Variants in RCAN3 observed in about 807,000 individuals in gnomAD.
RCAN3 encodes calcipressin-3.
In RCAN3, 19 loss-of-function variants were observed where a neutral mutation model predicts 21.9. That is an observed-to-expected ratio of 0.87 (90% CI 0.61 to 1.27). The LOEUF is 1.27. Among genes scored for constraint, RCAN3 ranks in the 50% most tolerant of loss-of-function variants. The pLI is 0.00. For missense variants in RCAN3, 240 were observed against 300.1 expected, an observed-to-expected ratio of 0.80 and a Z score of 1.48; for synonymous variants, 114 against 112.3, an observed-to-expected ratio of 1.01 and a Z score of -0.09.
rs1054824224 is a variant in RCAN3, at chr1:24,536,788, A to G, written c.*1511A>G. Reference sequence around the variant, plus strand: ...ACTGTGGTAAAATTTATTTCTGAGCACTTAAACTGTGTTGCATACCCCTAA... The same window carrying G: ...ACTGTGGTAAAATTTATTTCTGAGCGCTTAAACTGTGTTGCATACCCCTAA... On this transcript the variant is annotated 3_prime_UTR_variant, in exon 5 of 5. Coordinates refer to ENST00000374395, the MANE Select transcript of RCAN3 (RefSeq NM_013441.4). 6.2e-4 allele frequency: 94 copies of G among 151,392 alleles called. No homozygotes were observed. The highest frequency in any genetic ancestry group is 2.2e-3 in the African/African-American group (92 of 41,128). 9.4% of individuals were successfully genotyped at this position (151,392 alleles called of 1,614,324 possible). A position where few individuals can be genotyped will look rare whatever the true frequency, so the allele number is the denominator to read the frequency against.
rs1650433777 is a variant in RCAN3, at chr1:24,540,389, A to G, written c.*5112A>G. On this transcript the variant is annotated 3_prime_UTR_variant, in exon 5 of 5. Transcript: ENST00000374395. The stretch of plus-strand genomic sequence containing the variant: ...TTTGAAACAGAATCATATCCTGCAG[A>G]CTCTTGGCACTCCTGCATAGCTTTG... The G allele has an allele frequency of 6.6e-6, 1 of 151,904 alleles. No individual in the cohort carries two copies. The highest frequency in any genetic ancestry group is 1.5e-5 in the Non-Finnish European group (1 of 67,980). The allele number at this position is 151,904 out of a possible 1,614,324, so 9.4% of individuals were successfully genotyped here. A position where few individuals can be genotyped will look rare whatever the true frequency, so the allele number is the denominator to read the frequency against.
Position 24,535,183 on chromosome 1 carries a change from C to CA in RCAN3, c.638dup (p.Asn213LysfsTer21), listed in dbSNP as rs773811205. 1.9e-6 allele frequency: 3 copies of CA among 1,594,256 alleles called. No homozygotes were observed. Among genetic ancestry groups the CA allele is most frequent in the African/African-American group, 1.4e-5 (1 of 73,262 alleles). Reference sequence around the variant, plus strand: ...AGTGAAACTGAAGAGGAAGAAGAGACAAAAAACCCCAAACAGAAAATTGCC... The same window carrying CA: ...AGTGAAACTGAAGAGGAAGAAGAGACAAAAAAACCCCAAACAGAAAATTGCC... On this transcript the variant is annotated frameshift_variant, in exon 5 of 5. Transcript: ENST00000374395. LOFTEE classifies it low-confidence loss of function (END_TRUNC).
At chr1:24,529,793 C>T (rs763678972) in intron 2 of RCAN3, among the ~76,000 whole-genome samples, 84 of 151,240 alleles carry the variant, frequency 5.6e-4, no homozygotes, top group African/African-American at 1.8e-3. Flanking sequence ...TCAAGTGATC[C>T]GCCTACCTCA....
chr1:24,516,492 C>G (rs1310172949), intron 2 of RCAN3, among the ~76,000 whole-genome samples: 3 of 151,920 alleles, frequency 2.0e-5, no homozygotes, highest in Non-Finnish European at 2.9e-5. Flanking sequence ...AGAGCTGAAT[C>G]GGGAGAGTGT....
rs1345803994 is a variant in RCAN3 at position 24,535,075 on chromosome 1, T to TTTTG, written c.542-13_542-10dup. The TTTTG allele has an allele frequency of 1.3e-6, 2 of 1,590,020 alleles. No homozygotes were observed. The highest frequency in any genetic ancestry group is 2.7e-5 in the African/African-American group (2 of 73,244). Reference sequence around the variant, plus strand: ...GGAAGTGATGCTTTTGTCATGGTTATTTTGTTTGCCTCTGCAGGAGAGAAA... The same window carrying TTTTG: ...GGAAGTGATGCTTTTGTCATGGTTATTTTGTTTGTTTGCCTCTGCAGGAGAGAAA... On this transcript the variant is annotated splice_polypyrimidine_tract_variant and intron_variant, in intron 4 of 4. Coordinates refer to ENST00000374395, the MANE Select transcript of RCAN3 (RefSeq NM_013441.4).
chr1:24,523,582 T>C (rs995924814), intron 2 of RCAN3, among the ~76,000 whole-genome samples: 2 of 150,718 alleles, frequency 1.3e-5, no homozygotes. Context: ...TAAAGGTATA[T>C]CAAATCTATA....
intron 2 of RCAN3, among the ~76,000 whole-genome samples, chr1:24,522,232 TC>T (rs1648881361): frequency 6.6e-6 from 1 of 152,160 alleles, no homozygotes; most frequent in African/African-American, 2.4e-5. Context: ...CCTGTTTGGC[TC>T]CACTTTAACC....
chr1:24,526,757 T>C (rs111604161), intron 2 of RCAN3, among the ~76,000 whole-genome samples: 3 of 152,338 alleles, frequency 2.0e-5, no homozygotes, highest in African/African-American at 7.2e-5. Context: ...CTATCTCACA[T>C]AGGAATTTTA....
intron 2 of RCAN3, among the ~76,000 whole-genome samples, chr1:24,524,809 GTTTAT>G (rs1358289263): frequency 2.1e-5 from 3 of 143,192 alleles, no homozygotes; most frequent in African/African-American, 7.8e-5. Flanking sequence ...CTCCTACTCT[GTTTAT>G]TTTGTTTTCT....
rs1648132268 is a variant in RCAN3, at chr1:24,514,475, G to A, written c.103G>A (p.Asp35Asn). 6.2e-7 allele frequency: 1 copy of A among 1,614,008 alleles called. No homozygotes were observed. Among genetic ancestry groups the A allele is most frequent in the Admixed American group, 1.7e-5 (1 of 59,996 alleles). Residue 35 changes from aspartate (D) to asparagine (N), a missense_variant, in exon 2 of 5, where the codon GAT (aspartate) becomes AAT (asparagine). Coordinates refer to ENST00000374395, the MANE Select transcript of RCAN3 (RefSeq NM_013441.4). ...EEMIFGENED[D>N]LDEMMDLSDL... Reference sequence around the variant, plus strand: ...GATGATTTTTGGTGAAAATGAAGATGATTTGGATGAGATGATGGATTTAAG... The same window carrying A: ...GATGATTTTTGGTGAAAATGAAGATAATTTGGATGAGATGATGGATTTAAG...
At chr1:24,530,348 C>A (rs145313793) in intron 2 of RCAN3, among the ~76,000 whole-genome samples, 3 of 77,328 alleles carry the variant, frequency 3.9e-5, no homozygotes, top group African/African-American at 6.4e-5. Flanking sequence ...GAGTGAGACT[C>A]TTATCTCCAA....
intron 1 of RCAN3, among the ~76,000 whole-genome samples, chr1:24,510,091 C>A (rs1375321915): frequency 1.3e-5 from 2 of 152,156 alleles, no homozygotes; most frequent in South Asian, 4.2e-4. Context: ...TACAGTAAAC[C>A]ATGCTATAAA....
chr1:24,518,477 A>G (rs753355187), intron 2 of RCAN3, among the ~76,000 whole-genome samples: 1 of 152,202 alleles, frequency 6.6e-6, no homozygotes, highest in Non-Finnish European at 1.5e-5. Context: ...CTGCTAATCA[A>G]TAGCTCCATC....
chr1:24,522,031 C>T (rs1648862791), intron 2 of RCAN3, among the ~76,000 whole-genome samples: 1 of 151,946 alleles, frequency 6.6e-6, no homozygotes, highest in Admixed American at 6.6e-5. Flanking sequence ...CTGACTTGTA[C>T]ATTTAAAAAT....
At chr1:24,534,250 G>A (rs1650033709) in intron 4 of RCAN3, among the ~76,000 whole-genome samples, 1 of 152,078 alleles carries the variant, frequency 6.6e-6, no homozygotes, top group South Asian at 2.1e-4. Context: ...TATAATCAAG[G>A]GAGTGCCTAT....
At chr1:24,508,793 C>T (rs1158881343) in intron 1 of RCAN3, among the ~76,000 whole-genome samples, 1 of 152,168 alleles carries the variant, frequency 6.6e-6, no homozygotes, top group African/African-American at 2.4e-5. Flanking sequence ...ATACTATAGT[C>T]TATTAAGTGT....
intron 2 of RCAN3, among the ~76,000 whole-genome samples, chr1:24,522,967 A>G (rs1013864792): frequency 6.6e-5 from 10 of 152,138 alleles, no homozygotes; most frequent in African/African-American, 2.4e-4. Flanking sequence ...AAACTTTAAT[A>G]GGTTGAACCA....
intron 1 of RCAN3, among the ~76,000 whole-genome samples, chr1:24,511,088 C>T (rs144729428): frequency 6.6e-5 from 10 of 152,168 alleles, no homozygotes; most frequent in Admixed American, 5.9e-4. Context: ...CCGAGGTGGG[C>T]AGATCACAAG....
chr1:24,524,860 C>T (rs190636664), intron 2 of RCAN3, among the ~76,000 whole-genome samples: 2,005 of 132,026 alleles, frequency 0.015, 17 homozygotes, highest in Non-Finnish European at 0.023. Flanking sequence ...GACAGGGTCT[C>T]GCTCTGTTCC....
Sources: allele counts gnomAD v4.1 joint callset (sites outside exome capture counted in the v4.1 genomes callset), GRCh38; gene constraint gnomAD v4.1.1; transcripts MANE v1.5; gene names NCBI Gene and HGNC (gene_info 2026-07-23, HGNC 2026-07-21).